The following SLC9A8 variants were observed in gnomAD, a reference collection of about 807,000 sequenced individuals.
SLC9A8 encodes solute carrier family 9 member A8.
SLC9A8 carries 48 observed loss-of-function variants against 66.6 expected under a neutral mutation model. That is an observed-to-expected ratio of 0.72 (90% CI 0.57 to 0.92). The LOEUF (loss-of-function observed/expected upper bound fraction) is 0.92. SLC9A8 is among the 40% of genes least tolerant of loss of function. The pLI is 0.00. For synonymous variants in SLC9A8, 274 were observed against 282.6 expected (o/e 0.97, Z 0.31); for missense variants, 599 against 747.3 (o/e 0.80, Z 2.31).
At chr20:49,846,640 C>G (rs1289760699) in intron 5 of SLC9A8, among the ~76,000 whole-genome samples, 1 of 151,872 alleles carries the variant, frequency 6.6e-6, no homozygotes, top group Non-Finnish European at 1.5e-5. Flanking sequence ...ATGGTCGGGC[C>G]CAGTGGCTCA....
rs983918492 is a variant in SLC9A8, at chr20:49,888,826, A to G, written c.*890A>G. On this transcript the variant is annotated 3_prime_UTR_variant, in exon 16 of 16. Transcript: ENST00000361573. ...CCGTACTCAGTTGTTCTTTTGTCTA[A>G]TCGGAGGCCACTGTGCTGAGGCCCT... 75 of 152,284 alleles carry G rather than the reference A, an allele frequency of 4.9e-4. No individual in the cohort carries two copies. The highest frequency in any genetic ancestry group is 1.4e-3 in the African/African-American group (60 of 41,422). The allele number at this position is 152,284 out of a possible 1,614,324, so 9.4% of individuals were successfully genotyped here. A position where few individuals can be genotyped will look rare whatever the true frequency, so the allele number is the denominator to read the frequency against.
At chr20:49,857,141 C>T (rs577556310) in intron 8 of SLC9A8, among the ~76,000 whole-genome samples, 11 of 152,256 alleles carry the variant, frequency 7.2e-5, no homozygotes, top group African/African-American at 2.4e-4. Context: ...AGCAAGACCC[C>T]ATTCTCCCAC....
Position 49,823,109 on chromosome 20 carries a change from T to C in SLC9A8, c.257T>C (p.Phe86Ser). 6.2e-7 allele frequency: 1 copy of C among 1,612,670 alleles called. No individual in the cohort carries two copies. The highest frequency in any genetic ancestry group is 2.2e-5 in the East Asian group (1 of 44,870). The change falls in exon 3 of 16, where the codon TTC becomes TCC. Residue 86 changes from phenylalanine to serine, a missense_variant. Coordinates refer to ENST00000361573, the MANE Select transcript of SLC9A8 (RefSeq NM_015266.3). ...VHLLIRYRLH[F>S]LPESVAVVSL... Reference sequence around the variant, plus strand: ...TTACTGATCCGATACAGATTACATTTCTTGCCAGAGAGTGTTGCTGTTGTT... The same window carrying C: ...TTACTGATCCGATACAGATTACATTCCTTGCCAGAGAGTGTTGCTGTTGTT...
intron 7 of SLC9A8, among the ~76,000 whole-genome samples, chr20:49,854,265 G>A (rs1247934526): frequency 6.6e-6 from 1 of 152,126 alleles, no homozygotes; most frequent in African/African-American, 2.4e-5. Context: ...CCTTGAGGGA[G>A]CTGGTCCTGC....
chr20:49,826,179 A>G (rs1028990243), intron 3 of SLC9A8, among the ~76,000 whole-genome samples: 2 of 152,256 alleles, frequency 1.3e-5, no homozygotes, highest in African/African-American at 4.8e-5. Context: ...AGGTCCAGAA[A>G]GTACTTTTTA....
intron 4 of SLC9A8, among the ~76,000 whole-genome samples, chr20:49,840,934 T>A (rs920278559): frequency 6.7e-6 from 1 of 150,054 alleles, no homozygotes; most frequent in Non-Finnish European, 1.5e-5. Context: ...CTGGGCAACA[T>A]GGTGAAACTC....
Position 49,857,781 on chromosome 20 carries a change from C to CCTTTCCT in SLC9A8, c.713+2201_713+2207dup, listed in dbSNP as rs554260668. Among the ~76,000 whole-genome samples, 38 of 150,972 alleles carry CCTTTCCT rather than the reference C, an allele frequency of 2.5e-4. No homozygotes were observed. In the South Asian group the frequency reaches 7.8e-3, roughly 31 times the overall value. ...CATCCAGCATTGGGTAATGTGACAT[C>CCTTTCCT]CTTTCCTTTTCTTTCCCTGCCCCTA... On this transcript the variant is annotated intron_variant, in intron 8 of 15. Transcript: ENST00000361573.
At chr20:49,830,889 A>AATACCC in intron 3 of SLC9A8, 3 of 1,130,492 alleles carry the variant, frequency 2.7e-6, no homozygotes, top group Non-Finnish European at 4.0e-6. Context: ...GAAGTGCCAA[A>AATACCC]ATACCCTGCA....
chr20:49,858,991 G>A (rs970772432), intron 8 of SLC9A8, among the ~76,000 whole-genome samples: 2 of 151,852 alleles, frequency 1.3e-5, no homozygotes, highest in Non-Finnish European at 2.9e-5. Context: ...AACCAAGATC[G>A]TCTGTGGTAA....
At chr20:49,817,089 G>A (rs557098414) in intron 2 of SLC9A8, among the ~76,000 whole-genome samples, 17 of 150,900 alleles carry the variant, frequency 1.1e-4, no homozygotes, top group South Asian at 6.5e-4. Context: ...GCACTTTCGC[G>A]TGGATCATCT....
Position 49,862,977 on chromosome 20 carries a change from G to A in SLC9A8, c.762G>A (p.Trp254Ter). 2 of 1,613,582 alleles carry A rather than the reference G, an allele frequency of 1.2e-6. No individual in the cohort carries two copies. Among genetic ancestry groups the A allele is most frequent in the South Asian group, 1.1e-5 (1 of 91,050 alleles). Reference protein sequence around the residue: ...TRKNMSDVSGWQTFLQALDYF... With the variant: ...TRKNMSDVSG ...AAAATATGTCAGATGTCAGTGGGTG[G>A]CAAACATTTTTACAAGCCCTTGACT... is the stretch of plus-strand genomic sequence containing the variant. The change falls in exon 9 of 16, where the codon TGG (tryptophan) becomes TGA (stop). Residue 254 changes from tryptophan (W) to a stop codon, truncating the protein, a stop_gained. Transcript: ENST00000361573. LOFTEE classifies it high-confidence loss of function.
At chr20:49,857,735 A>T (rs958366015) in intron 8 of SLC9A8, among the ~76,000 whole-genome samples, 1 of 152,144 alleles carries the variant, frequency 6.6e-6, no homozygotes, top group African/African-American at 2.4e-5. Context: ...ACAAACAAAC[A>T]AAAGGGTACT....
intron 13 of SLC9A8, among the ~76,000 whole-genome samples, chr20:49,881,884 G>A (rs994998101): frequency 6.6e-5 from 10 of 152,166 alleles, no homozygotes; most frequent in Admixed American, 2.0e-4. Context: ...TGTGTCAGAG[G>A]TTTTTGAAGT....
intron 10 of SLC9A8, among the ~76,000 whole-genome samples, chr20:49,872,494 G>A (rs1446632919): frequency 7.1e-6 from 1 of 140,964 alleles, no homozygotes; most frequent in African/African-American, 2.7e-5. Flanking sequence ...TTGTTTGTTT[G>A]TTTGTTTTTG....
chr20:49,874,437 T>C (rs182206996), intron 10 of SLC9A8, among the ~76,000 whole-genome samples: 10 of 152,290 alleles, frequency 6.6e-5, no homozygotes, highest in Admixed American at 5.9e-4. Context: ...TGTGAGTGGC[T>C]ACTATTAGTC....
chr20:49,868,674 T>G (rs1233319246), intron 10 of SLC9A8, among the ~76,000 whole-genome samples: 1 of 152,194 alleles, frequency 6.6e-6, no homozygotes, highest in African/African-American at 2.4e-5. Context: ...CAGCTCCACC[T>G]CTTATTGGCT....
intron 3 of SLC9A8, among the ~76,000 whole-genome samples, chr20:49,834,235 TACAC>T (rs1340418384): frequency 7.0e-6 from 1 of 142,370 alleles, no homozygotes; most frequent in African/African-American, 2.6e-5. Flanking sequence ...ACTATGTATA[TACAC>T]ACACTGTATA....
At chr20:49,844,605 G>A (rs1008748598) in intron 4 of SLC9A8, among the ~76,000 whole-genome samples, 2 of 142,124 alleles carry the variant, frequency 1.4e-5, no homozygotes, top group Non-Finnish European at 3.0e-5. Flanking sequence ...GCAACATAGC[G>A]GGACCCTGTA....
rs112778148 is a variant in SLC9A8 at position 49,862,139 on chromosome 20, T to C, written c.714-790T>C. Among the ~76,000 whole-genome samples, 1,052 of 140,748 alleles carry C rather than the reference T, an allele frequency of 7.5e-3. 20 individuals are homozygous for C. Among genetic ancestry groups the C allele is most frequent in the African/African-American group, 0.025 (974 of 39,134 alleles). 92.3% of individuals were successfully genotyped at this position (140,748 alleles called of 152,430 possible). On this transcript the variant is annotated intron_variant, in intron 8 of 15. Transcript: ENST00000361573. ...TCTTGGTACTTGAAAGTTCCTACAATGGGTTGCATATGCATGGGCTCTCTT... is the reference window on the plus strand; with the variant it reads ...TCTTGGTACTTGAAAGTTCCTACAACGGGTTGCATATGCATGGGCTCTCTT...
Sources: gnomAD v4.1 joint callset for allele counts (sites outside exome capture counted in the v4.1 genomes callset) on GRCh38, gnomAD v4.1.1 for gene constraint, MANE v1.5 for transcripts, NCBI Gene and HGNC (gene_info 2026-07-23, HGNC 2026-07-21) for gene names.